The following EYS variants were observed in gnomAD, a reference collection of about 807,000 sequenced individuals.
EYS encodes the protein protein eyes shut homolog.
EYS carries 250 observed loss-of-function variants against 282.1 expected under a neutral mutation model. That is an observed-to-expected ratio of 0.89 (90% confidence interval 0.80 to 0.98). The LOEUF is 0.98. EYS is among the 50% of genes least tolerant of loss of function. The pLI, the probability that EYS is intolerant of heterozygous loss-of-function variation, is 0.00. For synonymous variants in EYS, 1,355 were observed against 1,282.9 expected (o/e 1.06, Z -1.20); for missense variants, 4,016 against 3,709.0 (o/e 1.08, Z -2.15).
At chr6:65,689,945 C>T (rs1446594087) in intron 1 of EYS, among the ~76,000 whole-genome samples, 1 of 149,552 alleles carries the variant, frequency 6.7e-6, no homozygotes, top group African/African-American at 2.4e-5. Flanking sequence ...CATTCTGGTC[C>T]CGCAGTACCA....
intron 13 of EYS, among the ~76,000 whole-genome samples, chr6:65,000,634 C>T (rs577338899): frequency 2.0e-5 from 3 of 152,124 alleles, no homozygotes; most frequent in East Asian, 3.9e-4. Context: ...AAAAATTAGC[C>T]GGGCTTGGTG....
chr6:65,506,460 C>CTTTTTTTTTTTTTTTTTTTTTTTTTTTT (rs58326040), intron 2 of EYS, among the ~76,000 whole-genome samples: 3 of 64,858 alleles, frequency 4.6e-5, no homozygotes, highest in African/African-American at 1.2e-4. Flanking sequence ...TCCTTCCTTT[C>CTTTTTTTTTTTTTTTTTTTTTTTTTTTT]TTTTTTTTTT....
intron 12 of EYS, among the ~76,000 whole-genome samples, chr6:65,168,783 G>A (rs143459624): frequency 1.7e-3 from 253 of 151,278 alleles, no homozygotes; most frequent in African/African-American, 5.9e-3. Flanking sequence ...GATTTTACTA[G>A]GCAAACTTTT....
At position 64,076,572 on chromosome 6, in the gene EYS, T is replaced by C. The variant is rs567025134; in HGVS notation, c.6571+5284A>G. On this transcript the variant is annotated intron_variant, in intron 32 of 42. Coordinates refer to ENST00000503581, the MANE Select transcript of EYS (RefSeq NM_001142800.2). ...TTCTGGTGGTAGGGTATAAGTCTCA[T>C]GAGATCTGATGGTTTTATAAGGAGT... 4.2e-4 allele frequency among the ~76,000 whole-genome samples: 64 copies of C among 151,888 alleles called. 1 individual carries two copies. The South Asian group carries it at 4.8e-3, about 11-fold the overall frequency.
At chr6:64,611,200 T>A (rs988726857) in intron 24 of EYS, among the ~76,000 whole-genome samples, 13 of 152,138 alleles carry the variant, frequency 8.5e-5, no homozygotes, top group African/African-American at 3.1e-4. Flanking sequence ...GAGAAGCAGA[T>A]CGAGCCTTAT....
intron 31 of EYS, among the ~76,000 whole-genome samples, chr6:64,122,309 T>C (rs1773616232): frequency 6.6e-6 from 1 of 152,180 alleles, no homozygotes; most frequent in Non-Finnish European, 1.5e-5. Context: ...GCATGAAATC[T>C]TCCCTGGAAG....
chr6:65,631,771 G>A (rs1269053006), intron 2 of EYS, among the ~76,000 whole-genome samples: 1 of 152,158 alleles, frequency 6.6e-6, no homozygotes, highest in African/African-American at 2.4e-5. Flanking sequence ...TAGAGTATAA[G>A]TAAAATTTAC....
chr6:64,197,315 T>C (rs897530581), intron 31 of EYS, among the ~76,000 whole-genome samples: 2 of 152,190 alleles, frequency 1.3e-5, no homozygotes, highest in Admixed American at 1.3e-4. Flanking sequence ...CCTTATACTT[T>C]TAGCCATGGG....
intron 26 of EYS, among the ~76,000 whole-genome samples, chr6:64,563,079 A>G (rs559042854): frequency 2.3e-4 from 35 of 152,198 alleles, no homozygotes; most frequent in Non-Finnish European, 4.4e-4. Context: ...ACAATAGTAA[A>G]TTGGAAATAG....
intron 5 of EYS, among the ~76,000 whole-genome samples, chr6:65,463,958 T>C (rs1421021238): frequency 6.6e-6 from 1 of 152,164 alleles, no homozygotes; most frequent in South Asian, 2.1e-4. Flanking sequence ...TGTGATACTA[T>C]ATACTTTTAA....
At chr6:64,301,927 A>G (rs548775592) in intron 30 of EYS, among the ~76,000 whole-genome samples, 42 of 152,240 alleles carry the variant, frequency 2.8e-4, no homozygotes, top group South Asian at 2.5e-3. Flanking sequence ...TTGGCTTTGG[A>G]GACTTTTTCC....
At chr6:64,482,330 T>G (rs1210252498) in intron 26 of EYS, among the ~76,000 whole-genome samples, 1 of 151,702 alleles carries the variant, frequency 6.6e-6, no homozygotes, top group African/African-American at 2.4e-5. Context: ...ATTATCTATA[T>G]ATCAGTTTAT....
At chr6:65,018,054 T>C (rs922879141) in intron 13 of EYS, among the ~76,000 whole-genome samples, 1 of 152,176 alleles carries the variant, frequency 6.6e-6, no homozygotes, top group Admixed American at 6.5e-5. Context: ...AGAATGCCAA[T>C]AAAGATACTT....
At chr6:65,058,086 C>A (rs568657682) in intron 12 of EYS, among the ~76,000 whole-genome samples, 1 of 152,000 alleles carries the variant, frequency 6.6e-6, no homozygotes, top group East Asian at 1.9e-4. Flanking sequence ...AAAAAAGGAA[C>A]GAAAAGAAAA....
At position 65,206,400 on chromosome 6, in the gene EYS, A is replaced by C. The variant is rs114613122; in HGVS notation, c.2023+89463T>G. On this transcript the variant is annotated intron_variant, in intron 12 of 42. Transcript: ENST00000503581. ...AATAAAATTGAATCAATTAAAAAAA[A>C]AATTATAAAAATAAGCCCAGGACCA... Among the ~76,000 whole-genome samples, 1,473 of 151,762 alleles carry C rather than the reference A, an allele frequency of 9.7e-3. 32 individuals carry two copies. The highest frequency in any genetic ancestry group is 0.033 in the African/African-American group (1,367 of 41,516).
At chr6:64,304,408 G>C (rs921525028) in intron 30 of EYS, among the ~76,000 whole-genome samples, 1 of 152,158 alleles carries the variant, frequency 6.6e-6, no homozygotes, top group Non-Finnish European at 1.5e-5. Flanking sequence ...TAAGGAAATA[G>C]AGGACTTAAC....
chr6:64,754,394 G>GA (rs34292129), intron 22 of EYS, among the ~76,000 whole-genome samples: 133,675 of 152,016 alleles, frequency 0.88, 58,883 homozygotes, highest in African/African-American at 0.93. Flanking sequence ...ATTCACAGCT[G>GA]ATGCCACCAG....
chr6:65,558,296 G>A (rs1488881085), intron 2 of EYS, among the ~76,000 whole-genome samples: 1 of 152,224 alleles, frequency 6.6e-6, no homozygotes, highest in Non-Finnish European at 1.5e-5. Context: ...GCGGCAGTAG[G>A]GGTGGTATGT....
chr6:65,049,802 T>C (rs1178043745), intron 13 of EYS, among the ~76,000 whole-genome samples: 2 of 151,750 alleles, frequency 1.3e-5, no homozygotes, highest in Non-Finnish European at 3.0e-5. Flanking sequence ...AAACGTACGG[T>C]ATAGTTAAAC....
Sources: allele counts gnomAD v4.1 joint callset (sites outside exome capture counted in the v4.1 genomes callset), GRCh38; gene constraint gnomAD v4.1.1; transcripts MANE v1.5; gene names NCBI Gene and HGNC (gene_info 2026-07-23, HGNC 2026-07-21).